The following KIF17 variants were observed in gnomAD, a reference collection of about 807,000 sequenced individuals.
KIF17 encodes the protein kinesin-like protein KIF17.
In KIF17, 80 loss-of-function variants were observed where a neutral mutation model predicts 96.8. The observed-to-expected ratio is 0.83, with a 90% CI of 0.69 to 1.00. The LOEUF (loss-of-function observed/expected upper bound fraction) is 1.00, where lower values mean the gene tolerates loss of function less well. KIF17 is among the 50% of genes least tolerant of loss of function. The pLI, the probability that KIF17 is intolerant of heterozygous loss-of-function variation, is 0.00. For synonymous variants in KIF17, 567 were observed against 587.5 expected (o/e 0.97, Z 0.51); for missense variants, 1,280 against 1,372.9 (o/e 0.93, Z 1.07).
rs539773939 is a variant in KIF17, at chr1:20,683,617, T to G, written c.2232-733A>C. Among the ~76,000 whole-genome samples the G allele has an allele frequency of 1.3e-4, 19 of 151,842 alleles. No homozygotes were observed. The South Asian group carries it at 3.9e-3, about 32-fold the overall frequency. On this transcript the variant is annotated intron_variant, in intron 10 of 14. Transcript: ENST00000400463. ...TTGCAGTGAGCCGAGATCGCACCAC[T>G]GCACTCCAGCCTGAGCAACAGAGCA...
chr1:20,682,414 C>T (rs2053845336), intron 11 of KIF17, among the ~76,000 whole-genome samples: 1 of 152,182 alleles, frequency 6.6e-6, no homozygotes, highest in South Asian at 2.1e-4. Flanking sequence ...GTCTCAGCTA[C>T]TCGGGAGACT....
chr1:20,688,661 C>T (rs531140423), intron 7 of KIF17, among the ~76,000 whole-genome samples: 24 of 152,320 alleles, frequency 1.6e-4, no homozygotes, highest in Admixed American at 1.4e-3. Context: ...CGGGTGCCCT[C>T]GGAGCCCTCA....
intron 11 of KIF17, among the ~76,000 whole-genome samples, chr1:20,676,849 AAACAAC>A (rs796138194): frequency 2.6e-5 from 4 of 152,030 alleles, no homozygotes; most frequent in African/African-American, 9.7e-5. Flanking sequence ...AAAATAAAAT[AAACAAC>A]AACAACAACA....
At chr1:20,689,855 C>T (rs1338402822) in intron 7 of KIF17, among the ~76,000 whole-genome samples, 3 of 152,162 alleles carry the variant, frequency 2.0e-5, no homozygotes, top group Non-Finnish European at 4.4e-5. Flanking sequence ...AGCTCACAGT[C>T]AGCCTTGAGC....
chr1:20,711,366 C>A (rs369874341), intron 3 of KIF17, among the ~76,000 whole-genome samples: 2 of 152,106 alleles, frequency 1.3e-5, no homozygotes, highest in African/African-American at 2.4e-5. Flanking sequence ...CCCTCCACCG[C>A]GCTCCCAACC....
In KIF17 at chr1:20,704,375, C is replaced by T. The variant is rs1053498303; in HGVS notation, c.1123+72G>A. On this transcript the variant is annotated intron_variant, in intron 5 of 14. Coordinates refer to ENST00000400463, the MANE Select transcript of KIF17 (RefSeq NM_001122819.3). This position sits in a 1 kb window ranked among gnomAD's most constrained non-coding sequence, Gnocchi z 6.8. ...TGTCTTTTAGGTGGGAAGTTGGAGG[C>T]GAGAAGACAGAGGGAAGGAAGCTTT... 3.1e-6 allele frequency: 4 copies of T among 1,272,166 alleles called. No homozygotes were observed. The highest frequency in any genetic ancestry group is 4.5e-6 in the Non-Finnish European group (4 of 895,504). The allele number at this position is 1,272,166 out of a possible 1,614,324, so 78.8% of individuals were successfully genotyped here. A position where few individuals can be genotyped will look rare whatever the true frequency, so the allele number is the denominator to read the frequency against.
chr1:20,666,360 G>A (rs750576523), intron 13 of KIF17, 29 bp from the exon 14 acceptor site: 4 of 1,550,750 alleles, frequency 2.6e-6, no homozygotes, highest in African/African-American at 2.7e-5. Context: ...CCGTGGTCAC[G>A]TCCCCTTGTT....
intron 5 of KIF17, among the ~76,000 whole-genome samples, chr1:20,703,178 A>ACGG (rs1557600805): frequency 0.043 from 5,873 of 135,870 alleles, 325 homozygotes; most frequent in African/African-American, 0.17. Context: ...TGGATGGATG[A>ACGG]ATGGATGGAC....
In KIF17 at chr1:20,709,762, C is replaced by T. The variant is rs1474258144; in HGVS notation, c.547G>A (p.Ala183Thr). Reference sequence around the variant, plus strand: ...GTCTCCATGATGTGCTCACACTGGGCCACGCTGTGCACCGTGTGCATGGAC... The same window carrying T: ...GTCTCCATGATGTGCTCACACTGGGTCACGCTGTGCACCGTGTGCATGGAC... ...GLSMHTVHSV[A>T]QCEHIMETGW... Residue 183 changes from alanine to threonine, a missense_variant, in exon 4 of 15, where the codon GCC becomes ACC. Ala to Thr is a moderately conservative substitution (Grantham distance 58). Coordinates refer to ENST00000400463, the MANE Select transcript of KIF17 (RefSeq NM_001122819.3). This position sits in a 1 kb window ranked among gnomAD's most constrained non-coding sequence, Gnocchi z 4.7. 9 of 1,614,006 alleles carry T rather than the reference C, an allele frequency of 5.6e-6. No individual in the cohort carries two copies. The Admixed American group carries it at 1.3e-4, about 24-fold the overall frequency.
At position 20,684,846 on chromosome 1, in the gene KIF17, G is replaced by C. The variant is rs566583367; in HGVS notation, c.2194C>G (p.Pro732Ala). 2.8e-5 allele frequency: 45 copies of C among 1,594,956 alleles called. No individual in the cohort carries two copies. In the Admixed American group the frequency reaches 6.6e-4, roughly 23 times the overall value. Residue 732 changes from proline to alanine, a missense_variant, in exon 10 of 15, where the codon CCG (proline) becomes GCG (alanine). Physicochemically the swap from Pro to Ala is conservative, Grantham distance 27. Coordinates refer to ENST00000400463, the MANE Select transcript of KIF17 (RefSeq NM_001122819.3). Reference protein sequence around the residue: ...GMEVAVLTDDPLPVVDQQQVL... With the variant: ...GMEVAVLTDDALPVVDQQQVL... ...TGCTGCTGGTCCACAACGGGCAGCG[G>C]GTCATCAGTCAGCACTGCCACCTCC... is the stretch of plus-strand genomic sequence containing the variant.
rs190512973 is a variant in KIF17, at chr1:20,685,710, G to A, written c.2019+336C>T. 1.1e-3 allele frequency among the ~76,000 whole-genome samples: 169 copies of A among 152,246 alleles called. 2 individuals carry two copies. The highest frequency in any genetic ancestry group is 6.8e-4 in the Non-Finnish European group (46 of 68,016). ...CTGGGGTGTTCAAATTGGGTTCCCC[G>A]ATGGTGTCATAGGGGCCACCAGCCC... On this transcript the variant is annotated intron_variant, in intron 9 of 14. Transcript: ENST00000400463. The surrounding 1 kb of genome is among the most constrained non-coding windows in gnomAD (Gnocchi z 4.1).
chr1:20,664,926 T>C (rs971915731), intron 14 of KIF17, among the ~76,000 whole-genome samples, 164 bp from the exon 15 acceptor site: 1 of 152,032 alleles, frequency 6.6e-6, no homozygotes, highest in Admixed American at 6.5e-5. Flanking sequence ...GCGAGGCTGC[T>C]CTGGCTGAGG....
rs1020327106 is a variant in KIF17 at position 20,700,472 on chromosome 1, G to C, written c.1124-1984C>G. ...AGCCAGGGGCGACCCCAAGTGTCTG[G>C]TTTGAACACCTGAGTTGCCTCTGTC... is the stretch of plus-strand genomic sequence containing the variant. On this transcript the variant is annotated intron_variant, in intron 5 of 14. Coordinates refer to ENST00000400463, the MANE Select transcript of KIF17 (RefSeq NM_001122819.3). This position sits in a 1 kb window ranked among gnomAD's most constrained non-coding sequence, Gnocchi z 4.6. 2.6e-5 allele frequency among the ~76,000 whole-genome samples: 4 copies of C among 152,214 alleles called. No individual in the cohort carries two copies. The South Asian group carries it at 8.3e-4, about 32-fold the overall frequency.
Position 20,699,980 on chromosome 1 carries a change from C to A in KIF17, c.1124-1492G>T. On this transcript the variant is annotated intron_variant, in intron 5 of 14. Coordinates refer to ENST00000400463, the MANE Select transcript of KIF17 (RefSeq NM_001122819.3). This position sits in a 1 kb window ranked among gnomAD's most constrained non-coding sequence, Gnocchi z 4.3. ...TGCGTGGAGAGTGCACTGAGGGGAACCAGGGTTAGGCACGAGGAGACCCGT... is the reference window on the plus strand; with the variant it reads ...TGCGTGGAGAGTGCACTGAGGGGAAACAGGGTTAGGCACGAGGAGACCCGT... Among the ~76,000 whole-genome samples the A allele has an allele frequency of 6.6e-6, 1 of 152,156 alleles. No homozygotes were observed. The highest frequency in any genetic ancestry group is 1.9e-4 in the East Asian group (1 of 5,184).
Position 20,664,374 on chromosome 1 carries a change from G to A in KIF17, c.*210C>T. The A allele has an allele frequency of 1.4e-6, 2 of 1,452,918 alleles. No individual in the cohort carries two copies. Among genetic ancestry groups the A allele is most frequent in the Non-Finnish European group, 1.8e-6 (2 of 1,108,284 alleles). The allele number at this position is 1,452,918 out of a possible 1,614,324, so 90.0% of individuals were successfully genotyped here. ...AACAGCTGGAGCAGGCCTCTCTAAG[G>A]AGGACTATACAGCCTCCGAGGGGCT... On this transcript the variant is annotated 3_prime_UTR_variant, in exon 15 of 15. Transcript: ENST00000400463.
intron 11 of KIF17, 125 bp downstream of exon 11, chr1:20,682,528 A>C (rs1330192494): frequency 1.3e-6 from 1 of 777,944 alleles, no homozygotes. Context: ...TAATAAATGC[A>C]TGCATGCCTG....
In KIF17 at chr1:20,704,673, T is replaced by C; in HGVS notation, c.897A>G (p.Ser299=). Reference sequence around the variant, plus strand: ...TGAGCGTCTTGGTGTTGCCGCCCAGTGAGTCCTGCAGCAGCCGCGTCAGCT... The same window carrying C: ...TGAGCGTCTTGGTGTTGCCGCCCAGCGAGTCCTGCAGCAGCCGCGTCAGCT... ...DSKLTRLLQD[S]LGGNTKTLMV... The change falls in exon 5 of 15, where the codon TCA becomes TCG. Residue 299 remains serine (S), a synonymous_variant. Coordinates refer to ENST00000400463, the MANE Select transcript of KIF17 (RefSeq NM_001122819.3). The surrounding 1 kb of genome is among the most constrained non-coding windows in gnomAD (Gnocchi z 6.8). 2 of 1,614,074 alleles carry C rather than the reference T, an allele frequency of 1.2e-6. No individual in the cohort carries two copies. Among genetic ancestry groups the C allele is most frequent in the Non-Finnish European group, 1.7e-6 (2 of 1,179,998 alleles).
intron 6 of KIF17, among the ~76,000 whole-genome samples, chr1:20,694,536 C>T (rs1238103188): frequency 6.6e-6 from 1 of 152,178 alleles, no homozygotes; most frequent in Non-Finnish European, 1.5e-5. Flanking sequence ...GTGCCTGCCA[C>T]TGTAGTAAGC....
Position 20,682,650 on chromosome 1 carries a change from C to T in KIF17, c.2463+3G>A. 6.2e-7 allele frequency: 1 copy of T among 1,613,814 alleles called. No homozygotes were observed. Among genetic ancestry groups the T allele is most frequent in the South Asian group, 1.1e-5 (1 of 91,070 alleles). On this transcript the variant is annotated splice_donor_region_variant and intron_variant, in intron 11 of 14. Transcript: ENST00000400463. ...GGCATGGGGGGCTGCATCTGGGCCT[C>T]ACCTTCCTCTGCATCTTCTCCAGCA...
Sources: gnomAD v4.1 joint callset for allele counts (sites outside exome capture counted in the v4.1 genomes callset) on GRCh38, gnomAD v4.1.1 for gene constraint, Gnocchi (gnomAD v3.1) non-coding constraint, MANE v1.5 for transcripts, NCBI Gene and HGNC (gene_info 2026-07-23, HGNC 2026-07-21) for gene names.